Variants in FHOD3 observed in about 807,000 individuals in gnomAD.
FHOD3 encodes the protein FH1/FH2 domain-containing protein 3.
In FHOD3, 90 loss-of-function variants were observed where a neutral mutation model predicts 173.0. The ratio of observed to expected loss-of-function variants is 0.52; its 90% confidence interval spans 0.44 to 0.62. FHOD3 has a LOEUF of 0.62. FHOD3 is among the 20% of genes least tolerant of loss of function. FHOD3 has a pLI of 0.00. For missense variants in FHOD3, 1,945 were observed against 2,034.7 expected (o/e 0.96, Z 0.85); for synonymous variants, 828 against 823.0 (o/e 1.01, Z -0.10).
At chr18:36,396,863 A>T (rs550207256) in intron 3 of FHOD3, among the ~76,000 whole-genome samples, 4 of 136,606 alleles carry the variant, frequency 2.9e-5, no homozygotes, top group Admixed American at 7.3e-5. Flanking sequence ...TTTTAGCAGG[A>T]GGCTTGGTTC....
At position 36,742,775 on chromosome 18, in the gene FHOD3, A is replaced by G. The variant is rs1294699424; in HGVS notation, c.3798A>G (p.Ile1266Met). 1.2e-6 allele frequency: 2 copies of G among 1,614,102 alleles called. No individual in the cohort carries two copies. Among genetic ancestry groups the G allele is most frequent in the South Asian group, 1.1e-5 (1 of 91,084 alleles). The change falls in exon 22 of 29, where the codon ATA (isoleucine) becomes ATG (methionine). Residue 1266 changes from isoleucine (I) to methionine (M), a missense_variant. Ile to Met is a conservative substitution (Grantham distance 10, BLOSUM62 1). Around this residue, in one of 5 missense-constraint regions of FHOD3, gnomAD observed 231 missense variants for 321.9 expected, o/e 0.72. Transcript: ENST00000590592. ...AEPLLDLKEG[I>M]DQLENNKTLG... ...CACTCCTGGACCTGAAGGAAGGAAT[A>G]GACCAGTTGGAGAACAATAAAACCT...
At chr18:36,361,037 G>A (rs1255186740) in intron 2 of FHOD3, among the ~76,000 whole-genome samples, 2 of 152,174 alleles carry the variant, frequency 1.3e-5, no homozygotes, top group East Asian at 3.8e-4. Flanking sequence ...TGAGGGTGCA[G>A]AAGGGAAGAA....
At chr18:36,724,144 C>T (rs4799431) in intron 19 of FHOD3, among the ~76,000 whole-genome samples, 75,067 of 152,114 alleles carry the variant, frequency 0.49, 18,726 homozygotes, top group African/African-American at 0.54. Flanking sequence ...AAGCCTGACT[C>T]GGGCATCTCC....
intron 11 of FHOD3, among the ~76,000 whole-genome samples, chr18:36,649,719 A>G (rs1362107496): frequency 6.6e-6 from 1 of 152,216 alleles, no homozygotes; most frequent in East Asian, 1.9e-4. Context: ...GTGACTAAAA[A>G]GGCTCATCTC....
At chr18:36,529,793 C>G (rs571468503) in intron 5 of FHOD3, among the ~76,000 whole-genome samples, 13 of 151,994 alleles carry the variant, frequency 8.6e-5, no homozygotes, top group Non-Finnish European at 1.8e-4. Context: ...GAGTGAGACT[C>G]TGTCTCAAAA....
intron 17 of FHOD3, among the ~76,000 whole-genome samples, chr18:36,695,850 A>G (rs1283027530): frequency 1.3e-5 from 2 of 152,188 alleles, no homozygotes; most frequent in Non-Finnish European, 2.9e-5. Context: ...TATTCTTTTT[A>G]CCAAGTCCCA....
chr18:36,462,836 C>T (rs1012831299), intron 3 of FHOD3, among the ~76,000 whole-genome samples: 10 of 152,112 alleles, frequency 6.6e-5, no homozygotes, highest in East Asian at 5.8e-4. Flanking sequence ...TATATTGCCC[C>T]GATTAATCTT....
At chr18:36,592,462 C>T (rs2059255246) in intron 6 of FHOD3, among the ~76,000 whole-genome samples, 1 of 152,182 alleles carries the variant, frequency 6.6e-6, no homozygotes, top group African/African-American at 2.4e-5. Context: ...ATGTGAAGTG[C>T]ACTGGGCCGG....
chr18:36,400,201 CT>C (rs1244812427), intron 3 of FHOD3, among the ~76,000 whole-genome samples: 2 of 152,052 alleles, frequency 1.3e-5, no homozygotes, highest in African/African-American at 4.8e-5. Flanking sequence ...AAAAAATGAA[CT>C]GGAAATGAAA....
intron 2 of FHOD3, among the ~76,000 whole-genome samples, chr18:36,364,545 T>C (rs925850006): frequency 6.6e-5 from 10 of 152,166 alleles, no homozygotes; most frequent in Admixed American, 5.9e-4. Context: ...CCTGCCTTAG[T>C]TGAGGAGAGT....
At chr18:36,451,486 C>G (rs1362817206) in intron 3 of FHOD3, among the ~76,000 whole-genome samples, 1 of 152,222 alleles carries the variant, frequency 6.6e-6, no homozygotes, top group Non-Finnish European at 1.5e-5. Context: ...TATTGGAACT[C>G]AAAGCTGCCA....
At chr18:36,630,837 CA>C (rs2034461567) in intron 10 of FHOD3, among the ~76,000 whole-genome samples, 1 of 152,190 alleles carries the variant, frequency 6.6e-6, no homozygotes, top group African/African-American at 2.4e-5. Flanking sequence ...ACTAGGGTTA[CA>C]GAAAAATTGA....
At chr18:36,535,024 T>A (rs561812681) in intron 5 of FHOD3, among the ~76,000 whole-genome samples, 3 of 152,352 alleles carry the variant, frequency 2.0e-5, no homozygotes, top group Non-Finnish European at 4.4e-5. Flanking sequence ...TTTACTAACT[T>A]GTCCCGTTTG....
chr18:36,407,868 G>A (rs1316261127), intron 3 of FHOD3, among the ~76,000 whole-genome samples: 2 of 152,228 alleles, frequency 1.3e-5, no homozygotes, highest in African/African-American at 4.8e-5. Flanking sequence ...AATAATACTT[G>A]TAGGGTTGTG....
At chr18:36,533,478 C>T (rs746455043) in intron 5 of FHOD3, among the ~76,000 whole-genome samples, 1 of 152,184 alleles carries the variant, frequency 6.6e-6, no homozygotes, top group Non-Finnish European at 1.5e-5. Context: ...AGTGCTTGTC[C>T]TCAAAGTGGA....
chr18:36,457,989 C>T (rs1446858019), intron 3 of FHOD3, among the ~76,000 whole-genome samples: 1 of 152,014 alleles, frequency 6.6e-6, no homozygotes, highest in African/African-American at 2.4e-5. Flanking sequence ...TCTGGAGTCC[C>T]CAAGAAGGGA....
rs542556460 is a variant in FHOD3, at chr18:36,635,368, G to A, written c.1196+9619G>A. Among the ~76,000 whole-genome samples the A allele has an allele frequency of 3.3e-5, 5 of 152,308 alleles. No individual in the cohort carries two copies. The East Asian group carries it at 9.6e-4, about 29-fold the overall frequency. Reference sequence around the variant, plus strand: ...AATTTTATCCTTAAGGCCAAGTGGAGCTACTGATGAATTTCAAATGATTAA... The same window carrying A: ...AATTTTATCCTTAAGGCCAAGTGGAACTACTGATGAATTTCAAATGATTAA... On this transcript the variant is annotated intron_variant, in intron 10 of 28. Transcript: ENST00000590592.
At chr18:36,465,334 A>C (rs2052849136) in intron 3 of FHOD3, among the ~76,000 whole-genome samples, 1 of 152,138 alleles carries the variant, frequency 6.6e-6, no homozygotes. Flanking sequence ...AACAAAAAAA[A>C]CAATTAGACA....
rs540706095 is a variant in FHOD3 at position 36,728,521 on chromosome 18, A to C, written c.3418-2125A>C. On this transcript the variant is annotated intron_variant, in intron 19 of 28. Coordinates refer to ENST00000590592, the MANE Select transcript of FHOD3 (RefSeq NM_001281740.3). ...CCCAGTGTTCAAAGCTGACAACTCT[A>C]CCCACAGGAATTGCCCCTCCTGATC... Among the ~76,000 whole-genome samples the C allele has an allele frequency of 1.8e-3, 280 of 151,394 alleles. 3 individuals carry two copies. Among genetic ancestry groups the C allele is most frequent in the African/African-American group, 6.6e-3 (273 of 41,222 alleles).
Sources: gnomAD v4.1 joint callset for allele counts (sites outside exome capture counted in the v4.1 genomes callset) on GRCh38, gnomAD v4.1.1 for gene constraint, gnomAD v4.1.1 regional missense constraint, MANE v1.5 for transcripts, NCBI Gene and HGNC (gene_info 2026-07-23, HGNC 2026-07-21) for gene names.